The following SCGN variants were observed in gnomAD, a reference collection of about 807,000 sequenced individuals.
SCGN encodes secretagogin.
A neutral mutation model predicts 39.7 loss-of-function variants in SCGN; 30 were observed. The ratio of observed to expected loss-of-function variants is 0.76; its 90% CI spans 0.57 to 1.03. The LOEUF (loss-of-function observed/expected upper bound fraction) is 1.03. Among genes scored for constraint, SCGN ranks in the 50% least tolerant of loss-of-function variants. SCGN has a pLI of 0.00. For missense variants in SCGN, 353 were observed against 349.4 expected (o/e 1.01, Z -0.08); for synonymous variants, 106 against 114.1 (o/e 0.93, Z 0.45).
chr6:25,656,476 C>A (rs746812933), intron 2 of SCGN, among the ~76,000 whole-genome samples: 6 of 152,176 alleles, frequency 3.9e-5, no homozygotes, highest in Non-Finnish European at 7.3e-5. Flanking sequence ...ATGGAACCAT[C>A]AGCTGCAATT....
intron 4 of SCGN, among the ~76,000 whole-genome samples, chr6:25,667,029 T>C (rs561816390): frequency 4.6e-4 from 70 of 152,168 alleles, no homozygotes; most frequent in Non-Finnish European, 9.1e-4. Flanking sequence ...GTGTATGTTG[T>C]AGAAACATGA....
intron 2 of SCGN, among the ~76,000 whole-genome samples, chr6:25,659,987 A>T (rs1760308756): frequency 6.6e-6 from 1 of 152,188 alleles, no homozygotes; most frequent in African/African-American, 2.4e-5. Flanking sequence ...TGGGAAAATG[A>T]TAAAGGAGAA....
At chr6:25,701,112 C>T in intron 10 of SCGN, 95 bp from the exon 11 acceptor site, 1 of 1,383,448 alleles carries the variant, frequency 7.2e-7, no homozygotes, top group Non-Finnish European at 9.7e-7. Context: ...TCCTTCAAGG[C>T]AGGACACCCT....
chr6:25,666,139 A>C (rs1291964530), intron 4 of SCGN, among the ~76,000 whole-genome samples: 1 of 150,752 alleles, frequency 6.6e-6, no homozygotes, highest in East Asian at 1.9e-4. Flanking sequence ...CAGGAGTTCA[A>C]AGGCAGCCTG....
At chr6:25,657,873 T>G (rs1370415613) in intron 2 of SCGN, among the ~76,000 whole-genome samples, 1 of 151,186 alleles carries the variant, frequency 6.6e-6, no homozygotes. Context: ...AGGGACCTGT[T>G]AGACTTGCTC....
intron 5 of SCGN, 60 bp from the exon 6 acceptor site, chr6:25,669,939 A>G (rs1442620550): frequency 7.5e-7 from 1 of 1,335,616 alleles, no homozygotes; most frequent in African/African-American, 1.5e-5. Flanking sequence ...AAGGCCTTTT[A>G]AGACCTTTGC....
chr6:25,672,026 C>G (rs1759503833), intron 6 of SCGN, among the ~76,000 whole-genome samples: 1 of 152,342 alleles, frequency 6.6e-6, no homozygotes, highest in East Asian at 1.9e-4. Context: ...GGTTTTACTT[C>G]TTAATATAGC....
At chr6:25,684,735 A>T (rs573056608) in intron 7 of SCGN, among the ~76,000 whole-genome samples, 1 of 152,318 alleles carries the variant, frequency 6.6e-6, no homozygotes, top group East Asian at 1.9e-4. Context: ...GCTTGAACTC[A>T]GGAGGCAGAG....
intron 10 of SCGN, among the ~76,000 whole-genome samples, chr6:25,691,327 A>C (rs940661103): frequency 4.6e-5 from 7 of 152,234 alleles, no homozygotes; most frequent in Non-Finnish European, 1.0e-4. Context: ...ACATGAAGCT[A>C]TCATACAAGT....
intron 10 of SCGN, among the ~76,000 whole-genome samples, chr6:25,698,901 A>G (rs1032725031): frequency 2.0e-5 from 3 of 151,962 alleles, no homozygotes; most frequent in Non-Finnish European, 2.9e-5. Flanking sequence ...CCTTCCTCCT[A>G]TTTTAAACCT....
At chr6:25,653,540 C>A in intron 2 of SCGN, 88 bp downstream of exon 2, 2 of 906,612 alleles carry the variant, frequency 2.2e-6, no homozygotes, top group Non-Finnish European at 3.5e-6. Context: ...CTATTAATTC[C>A]AACTCACCTC....
chr6:25,693,266 G>A (rs918957827), intron 10 of SCGN, among the ~76,000 whole-genome samples: 4 of 151,642 alleles, frequency 2.6e-5, no homozygotes, highest in African/African-American at 9.7e-5. Flanking sequence ...CCTGGCTAAC[G>A]CGGTGAAACC....
Position 25,670,030 on chromosome 6 carries a change from A to G in SCGN, c.425A>G (p.Lys142Arg). ...CTCCGAGACCTCTTTCTTCACCACA[A>G]AAAGGCCATTTCTGAGGCTAAACTG... ...NFLRDLFLHH[K>R]KAISEAKLEE... The change falls in exon 6 of 11, where the codon AAA becomes AGA. Residue 142 changes from lysine to arginine, a missense_variant. By Grantham distance (26) the Lys-to-Arg change is conservative. Coordinates refer to ENST00000377961, the MANE Select transcript of SCGN (RefSeq NM_006998.4). 2 of 1,613,840 alleles carry G rather than the reference A, an allele frequency of 1.2e-6. No individual in the cohort carries two copies. The highest frequency in any genetic ancestry group is 1.7e-6 in the Non-Finnish European group (2 of 1,179,854).
intron 3 of SCGN, among the ~76,000 whole-genome samples, chr6:25,662,987 C>T (rs957372065): frequency 1.3e-5 from 2 of 152,188 alleles, no homozygotes; most frequent in Non-Finnish European, 2.9e-5. Flanking sequence ...AAAACTATGT[C>T]ATTATCTTAC....
intron 6 of SCGN, among the ~76,000 whole-genome samples, chr6:25,681,550 G>A (rs1424807303): frequency 6.6e-6 from 1 of 152,144 alleles, no homozygotes; most frequent in Non-Finnish European, 1.5e-5. Context: ...GCTGTGGCCA[G>A]GGATCTGCTT....
In SCGN at chr6:25,701,450, T is replaced by A; in HGVS notation, c.*115T>A. On this transcript the variant is annotated 3_prime_UTR_variant, in exon 11 of 11. Coordinates refer to ENST00000377961, the MANE Select transcript of SCGN (RefSeq NM_006998.4). ...GGCAAACTCACAAATGGTGTGCTAT[T>A]CTTGGGCAAGAACAGGGACGCTAGG... The A allele has an allele frequency of 7.1e-7, 1 of 1,399,820 alleles. No homozygotes were observed. Among genetic ancestry groups the A allele is most frequent in the Non-Finnish European group, 9.7e-7 (1 of 1,027,698 alleles). The allele number at this position is 1,399,820 out of a possible 1,614,324, so 86.7% of individuals were successfully genotyped here. A position where few individuals can be genotyped will look rare whatever the true frequency, so the allele number is the denominator to read the frequency against.
chr6:25,683,738 T>A (rs1252591789), intron 7 of SCGN, among the ~76,000 whole-genome samples: 1 of 152,228 alleles, frequency 6.6e-6, no homozygotes, highest in Non-Finnish European at 1.5e-5. Flanking sequence ...ACTGATACAA[T>A]TGTGACATTT....
At chr6:25,669,912 C>G (rs1322482802) in intron 5 of SCGN, 87 bp from the exon 6 acceptor site, 1 of 1,065,502 alleles carries the variant, frequency 9.4e-7, no homozygotes, top group African/African-American at 1.6e-5. Flanking sequence ...AAACAAGCAA[C>G]TCACAATTCT....
chr6:25,653,577 C>T (rs1469728157), intron 2 of SCGN, 125 bp downstream of exon 2: 3 of 677,896 alleles, frequency 4.4e-6, no homozygotes, highest in Non-Finnish European at 7.6e-6. Context: ...TATGTAATTT[C>T]TCCCCCTCTC....
Sources: allele counts gnomAD v4.1 joint callset (sites outside exome capture counted in the v4.1 genomes callset), GRCh38; gene constraint gnomAD v4.1.1; transcripts MANE v1.5; gene names NCBI Gene and HGNC (gene_info 2026-07-23, HGNC 2026-07-21).